MGAT4C: variants seen among roughly 807,000 people sequenced by gnomAD.
The protein encoded by MGAT4C is alpha-1,3-mannosyl-glycoprotein 4-beta-N-acetylglucosaminyltransferase C.
A neutral mutation model predicts 40.1 loss-of-function variants in MGAT4C; 19 were observed. That is an observed-to-expected ratio of 0.47 (90% CI 0.33 to 0.70). The LOEUF (loss-of-function observed/expected upper bound fraction) is 0.70. MGAT4C is among the 30% of genes least tolerant of loss of function. The pLI is 0.02. For missense variants in MGAT4C, 491 were observed against 563.2 expected (o/e 0.87, Z 1.30); for synonymous variants, 181 against 187.1 (o/e 0.97, Z 0.27).
At chr12:86,133,038 C>A (rs1881463109) in intron 1 of MGAT4C, among the ~76,000 whole-genome samples, 1 of 152,106 alleles carries the variant, frequency 6.6e-6, no homozygotes, top group African/African-American at 2.4e-5. Context: ...GAAACATCTG[C>A]TAAGTATTTG....
intron 2 of MGAT4C, among the ~76,000 whole-genome samples, chr12:86,507,961 G>C (rs1478301787): frequency 6.6e-6 from 1 of 152,006 alleles, no homozygotes; most frequent in Admixed American, 6.6e-5. Flanking sequence ...TTGACATTGT[G>C]ATAGAGATTA....
chr12:86,505,880 C>A (rs1958464172), intron 2 of MGAT4C, among the ~76,000 whole-genome samples: 1 of 152,000 alleles, frequency 6.6e-6, no homozygotes, highest in Non-Finnish European at 1.5e-5. Context: ...ACAAATGGCC[C>A]AAAATAGGGC....
At chr12:86,044,793 G>C (rs566230989) in intron 2 of MGAT4C, among the ~76,000 whole-genome samples, 1 of 152,184 alleles carries the variant, frequency 6.6e-6, no homozygotes, top group East Asian at 1.9e-4. Flanking sequence ...AGCAGACCTA[G>C]CTATGTTTTA....
chr12:86,215,445 A>C (rs1316589359), intron 1 of MGAT4C, among the ~76,000 whole-genome samples: 3 of 152,194 alleles, frequency 2.0e-5, no homozygotes, highest in Non-Finnish European at 2.9e-5. Context: ...TATGTAAAGG[A>C]ACTGCAATCT....
chr12:86,445,515 T>A (rs1174427202), intron 2 of MGAT4C, among the ~76,000 whole-genome samples: 3 of 152,144 alleles, frequency 2.0e-5, no homozygotes, highest in African/African-American at 7.2e-5. Flanking sequence ...AATGTACTCA[T>A]CTTATGACTC....
At chr12:86,690,601 C>T (rs978750509) in intron 2 of MGAT4C, among the ~76,000 whole-genome samples, 5 of 152,124 alleles carry the variant, frequency 3.3e-5, no homozygotes, top group African/African-American at 1.2e-4. Context: ...CTGAGTGAGG[C>T]GACATCCCAC....
chr12:86,785,038 A>G (rs1225926511), intron 1 of MGAT4C, among the ~76,000 whole-genome samples: 5 of 151,982 alleles, frequency 3.3e-5, no homozygotes, highest in African/African-American at 4.8e-5. Flanking sequence ...GTTAACTGCT[A>G]AAAAAATTCT....
intron 1 of MGAT4C, among the ~76,000 whole-genome samples, chr12:86,816,688 A>G (rs1952614201): frequency 1.3e-5 from 2 of 151,614 alleles, no homozygotes; most frequent in East Asian, 3.9e-4. Flanking sequence ...TGGGTTTTGT[A>G]TTAGTGTGAA....
chr12:85,965,234 T>C lies in MGAT4C; in HGVS notation c.*14055A>G, dbSNP rs1357509162. ...TTCTGCATCTTAAGAGAAGACTATTTATAAAATTTATTGCTTGTAAGATTT... is the reference window on the plus strand; with the variant it reads ...TTCTGCATCTTAAGAGAAGACTATTCATAAAATTTATTGCTTGTAAGATTT... On this transcript the variant is annotated 3_prime_UTR_variant, in exon 5 of 5. Transcript: ENST00000611864. 6.6e-6 allele frequency: 1 copy of C among 152,170 alleles called. No homozygotes were observed. Among genetic ancestry groups the C allele is most frequent in the Non-Finnish European group, 1.5e-5 (1 of 68,036 alleles). The allele number at this position is 152,170 out of a possible 1,614,324, so 9.4% of individuals were successfully genotyped here. A position where few individuals can be genotyped will look rare whatever the true frequency, so the allele number is the denominator to read the frequency against.
intron 1 of MGAT4C, among the ~76,000 whole-genome samples, chr12:86,732,463 G>A (rs1950926421): frequency 6.6e-6 from 1 of 152,086 alleles, no homozygotes; most frequent in Non-Finnish European, 1.5e-5. Context: ...GGAGCCCTGA[G>A]CTTTTTTTCC....
chr12:86,728,236 T>G (rs906992592), intron 1 of MGAT4C, among the ~76,000 whole-genome samples: 8 of 152,220 alleles, frequency 5.3e-5, no homozygotes, highest in African/African-American at 1.4e-4. Context: ...TTTTAAAATG[T>G]AGTCAAGAAG....
intron 1 of MGAT4C, among the ~76,000 whole-genome samples, chr12:86,244,103 C>T (rs896114719): frequency 6.6e-5 from 10 of 152,152 alleles, no homozygotes; most frequent in African/African-American, 2.2e-4. Flanking sequence ...ATACTAAGAA[C>T]AGCAGCATCT....
chr12:86,295,436 G>A (rs992031849), intron 4 of MGAT4C, among the ~76,000 whole-genome samples: 2 of 152,134 alleles, frequency 1.3e-5, no homozygotes, highest in African/African-American at 4.8e-5. Flanking sequence ...TGGTGGGCTC[G>A]TGGTCTTGCT....
At chr12:86,798,481 A>C (rs1952170245) in intron 1 of MGAT4C, among the ~76,000 whole-genome samples, 3 of 151,948 alleles carry the variant, frequency 2.0e-5, no homozygotes, top group Non-Finnish European at 2.9e-5. Flanking sequence ...CACAAACTTC[A>C]TTATGTGCAT....
chr12:86,300,559 C>T (rs533373980), intron 4 of MGAT4C, among the ~76,000 whole-genome samples: 1 of 152,182 alleles, frequency 6.6e-6, no homozygotes, highest in East Asian at 1.9e-4. Context: ...ATGACAAGAA[C>T]AAATGTGAAG....
At chr12:86,600,220 T>C (rs966429710) in intron 2 of MGAT4C, among the ~76,000 whole-genome samples, 3 of 152,054 alleles carry the variant, frequency 2.0e-5, no homozygotes, top group Non-Finnish European at 4.4e-5. Context: ...AGATGCTTTG[T>C]GGTGGGATAT....
At chr12:86,830,819 A>AGTGG (rs1952912018) in intron 1 of MGAT4C, among the ~76,000 whole-genome samples, 5 of 151,794 alleles carry the variant, frequency 3.3e-5, no homozygotes, top group Non-Finnish European at 5.9e-5. Flanking sequence ...CCCTCCTCCT[A>AGTGG]AAGAGGAGCT....
At position 85,966,887 on chromosome 12, in the gene MGAT4C, G is replaced by T. The variant is rs908063907; in HGVS notation, c.*12402C>A. 2.0e-5 allele frequency: 3 copies of T among 150,000 alleles called. No homozygotes were observed. The highest frequency in any genetic ancestry group is 7.4e-5 in the African/African-American group (3 of 40,612). 9.3% of individuals were successfully genotyped at this position (150,000 alleles called of 1,614,324 possible). A position where few individuals can be genotyped will look rare whatever the true frequency, so the allele number is the denominator to read the frequency against. On this transcript the variant is annotated 3_prime_UTR_variant, in exon 5 of 5. Coordinates refer to ENST00000611864, the MANE Select transcript of MGAT4C (RefSeq NM_001351288.2). ...CAGGAAGGGGAACATCACACACTGG[G>T]CCTGTTGTGGGGTCAGGGGAGGGGG...
chr12:86,321,939 C>T (rs912126653), intron 4 of MGAT4C, among the ~76,000 whole-genome samples: 1 of 151,982 alleles, frequency 6.6e-6, no homozygotes, highest in Non-Finnish European at 1.5e-5. Flanking sequence ...TTTATTGTGG[C>T]ACTATTCACA....
Sources: allele counts gnomAD v4.1 joint callset (sites outside exome capture counted in the v4.1 genomes callset), GRCh38; gene constraint gnomAD v4.1.1; transcripts MANE v1.5; gene names NCBI Gene and HGNC (gene_info 2026-07-23, HGNC 2026-07-21).